The following ARHGAP29 variants were observed in gnomAD, a reference collection of about 807,000 sequenced individuals.
The protein encoded by ARHGAP29 is Rho GTPase activating protein 29.
A neutral mutation model predicts 122.6 loss-of-function variants in ARHGAP29; 43 were observed. The ratio of observed to expected loss-of-function variants is 0.35; its 90% CI spans 0.27 to 0.45. The LOEUF is 0.45. Ranked by LOEUF, ARHGAP29 falls within the 20% of genes least tolerant of loss-of-function variation. The pLI is 1.00. For missense variants in ARHGAP29, 1,303 were observed against 1,477.2 expected (o/e 0.88, Z 1.93); for synonymous variants, 506 against 497.1 (o/e 1.02, Z -0.24).
chr1:94,247,245 T>C (rs1653841172), intron 1 of ARHGAP29, among the ~76,000 whole-genome samples: 1 of 151,984 alleles, frequency 6.6e-6, no homozygotes, highest in Non-Finnish European at 1.5e-5. Flanking sequence ...AATTCCGCAG[T>C]GAGGCGATGA....
intron 1 of ARHGAP29, among the ~76,000 whole-genome samples, chr1:94,252,177 A>G (rs1654122268): frequency 6.6e-6 from 1 of 152,242 alleles, no homozygotes; most frequent in Non-Finnish European, 1.5e-5. Context: ...GCTTGTAACC[A>G]ATATACTAAC....
chr1:94,208,024 A>G (rs1288981316), intron 5 of ARHGAP29, among the ~76,000 whole-genome samples: 1 of 151,920 alleles, frequency 6.6e-6, no homozygotes, highest in Non-Finnish European at 1.5e-5. Flanking sequence ...TTTTGTAGGG[A>G]CAGGGCCTCA....
upstream of ARHGAP29, among the ~76,000 whole-genome samples, chr1:94,276,679 G>A (rs906796213): frequency 2.7e-5 from 4 of 150,682 alleles, no homozygotes; most frequent in Admixed American, 6.6e-5. Context: ...TACTCAGGAG[G>A]CTGAGGTGGG....
intron 1 of ARHGAP29, among the ~76,000 whole-genome samples, chr1:94,248,297 C>A (rs1653915191): frequency 6.6e-6 from 1 of 152,220 alleles, no homozygotes; most frequent in Non-Finnish European, 1.5e-5. Context: ...TGTCCCCTAA[C>A]CACGCTACCT....
At chr1:94,253,132 G>A (rs540388095) in intron 1 of ARHGAP29, among the ~76,000 whole-genome samples, 10 of 152,134 alleles carry the variant, frequency 6.6e-5, no homozygotes, top group African/African-American at 2.2e-4. Flanking sequence ...CACCACAGCC[G>A]GCTAATTTTT....
At chr1:94,205,223 GTA>G in intron 6 of ARHGAP29, 25 bp from the exon 7 acceptor site, 1 of 1,553,282 alleles carries the variant, frequency 6.4e-7, no homozygotes. Context: ...ATCAAGGTAA[GTA>G]TATGTTAAAT....
chr1:94,254,329 C>T (rs375432922), intron 1 of ARHGAP29, among the ~76,000 whole-genome samples: 6 of 152,136 alleles, frequency 3.9e-5, no homozygotes, highest in African/African-American at 1.4e-4. Flanking sequence ...ACAGACATAA[C>T]CATATATCCT....
intron 1 of ARHGAP29, among the ~76,000 whole-genome samples, chr1:94,252,689 G>T (rs1001366054): frequency 3.3e-5 from 5 of 151,076 alleles, no homozygotes; most frequent in Non-Finnish European, 5.9e-5. Context: ...CCATGGCCTC[G>T]TAAGTATTCT....
At chr1:94,216,817 A>G (rs1330532328) in intron 3 of ARHGAP29, among the ~76,000 whole-genome samples, 1 of 152,192 alleles carries the variant, frequency 6.6e-6, no homozygotes, top group African/African-American at 2.4e-5. Flanking sequence ...AGTTCTGAAG[A>G]TACCTTTATC....
chr1:94,227,513 G>C (rs1652677001), intron 2 of ARHGAP29, among the ~76,000 whole-genome samples: 1 of 151,724 alleles, frequency 6.6e-6, no homozygotes, highest in African/African-American at 2.4e-5. Context: ...TTAGACTATT[G>C]ATTTTCCCTC....
chr1:94,209,485 C>A, intron 3 of ARHGAP29, 135 bp from the exon 4 acceptor site: 1 of 507,876 alleles, frequency 2.0e-6, no homozygotes, highest in Non-Finnish European at 3.4e-6. Flanking sequence ...GCCTAACATA[C>A]AAAATTGACA....
chr1:94,213,902 C>A (rs1651805048), intron 3 of ARHGAP29, among the ~76,000 whole-genome samples: 1 of 152,150 alleles, frequency 6.6e-6, no homozygotes, highest in Non-Finnish European at 1.5e-5. Context: ...TCAACAATAA[C>A]CTATCAGTCA....
chr1:94,265,217 C>G (rs1654715172), intron 1 of ARHGAP29, among the ~76,000 whole-genome samples: 1 of 152,226 alleles, frequency 6.6e-6, no homozygotes, highest in African/African-American at 2.4e-5. Flanking sequence ...CTTCTGACCT[C>G]TGGCCCACCA....
At chr1:94,229,485 T>C (rs986111251) in intron 2 of ARHGAP29, among the ~76,000 whole-genome samples, 27 of 151,894 alleles carry the variant, frequency 1.8e-4, no homozygotes, top group Admixed American at 1.0e-3. Flanking sequence ...AGTTTATTTC[T>C]AGATTTTGAT....
At chr1:94,188,032 A>AT (rs1327014688) in intron 15 of ARHGAP29, among the ~76,000 whole-genome samples, 2 of 152,206 alleles carry the variant, frequency 1.3e-5, no homozygotes, top group African/African-American at 4.8e-5. Context: ...CCTGTAATCT[A>AT]TTAAGATCCT....
intron 1 of ARHGAP29, among the ~76,000 whole-genome samples, chr1:94,270,998 A>AC (rs1049913443): frequency 5.3e-5 from 8 of 151,960 alleles, no homozygotes; most frequent in Non-Finnish European, 1.0e-4. Flanking sequence ...GCTTGGCTGG[A>AC]CCCCCCAGCT....
intron 12 of ARHGAP29, among the ~76,000 whole-genome samples, chr1:94,196,660 A>G (rs1650500996): frequency 6.6e-6 from 1 of 152,166 alleles, no homozygotes; most frequent in Non-Finnish European, 1.5e-5. Flanking sequence ...AACAAATTTA[A>G]GAGAAATGTA....
At chr1:94,217,697 A>G (rs1652031248) in intron 3 of ARHGAP29, among the ~76,000 whole-genome samples, 1 of 152,094 alleles carries the variant, frequency 6.6e-6, no homozygotes, top group Non-Finnish European at 1.5e-5. Context: ...AAATTTAAAA[A>G]TCAGCTGGGA....
intron 19 of ARHGAP29, among the ~76,000 whole-genome samples, chr1:94,180,329 T>G (rs1301137544): frequency 6.6e-6 from 1 of 152,152 alleles, no homozygotes; most frequent in Non-Finnish European, 1.5e-5. Flanking sequence ...ACAAAATAAG[T>G]CAAATTAGTT....
Sources: allele counts gnomAD v4.1 joint callset (sites outside exome capture counted in the v4.1 genomes callset), GRCh38; gene constraint gnomAD v4.1.1; transcripts MANE v1.5; gene names NCBI Gene and HGNC (gene_info 2026-07-23, HGNC 2026-07-21).